RAD50: variants seen among roughly 807,000 people sequenced by gnomAD.
RAD50 encodes the protein DNA repair protein RAD50.
In RAD50, 132 loss-of-function variants were observed where a neutral mutation model predicts 168.8. The observed-to-expected ratio is 0.78, with a 90% CI of 0.68 to 0.90. The LOEUF (loss-of-function observed/expected upper bound fraction) is 0.90. RAD50 is among the 40% of genes least tolerant of loss of function. The pLI is 0.00. For synonymous variants in RAD50, 525 were observed against 497.4 expected (o/e 1.06, Z -0.74); for missense variants, 1,347 against 1,534.4 (o/e 0.88, Z 2.04).
intron 21 of RAD50, among the ~76,000 whole-genome samples, chr5:132,631,767 A>G (rs1038229032): frequency 1.3e-4 from 20 of 152,090 alleles, no homozygotes; most frequent in African/African-American, 4.8e-4. Context: ...GTGCAGTGCT[A>G]TGATCACAGC....
At chr5:132,564,766 A>G (rs554196135) in intron 2 of RAD50, among the ~76,000 whole-genome samples, 3 of 152,300 alleles carry the variant, frequency 2.0e-5, no homozygotes, top group South Asian at 2.1e-4. Flanking sequence ...AGCCCCTCCC[A>G]TTACAGGACA....
At chr5:132,631,854 A>G (rs1751480943) in intron 21 of RAD50, among the ~76,000 whole-genome samples, 1 of 152,108 alleles carries the variant, frequency 6.6e-6, no homozygotes, top group African/African-American at 2.4e-5. Flanking sequence ...TGCAGGTGTG[A>G]GCCACCGCAC....
intron 10 of RAD50, 21 bp downstream of exon 10, chr5:132,591,427 C>T: frequency 1.9e-6 from 3 of 1,599,444 alleles, no homozygotes; most frequent in Non-Finnish European, 2.6e-6. Context: ...TCTTTTTGTT[C>T]TAATTATACT....
At chr5:132,637,348 C>A in intron 22 of RAD50, 148 bp downstream of exon 22, 1 of 1,427,052 alleles carries the variant, frequency 7.0e-7, no homozygotes, top group Non-Finnish European at 9.4e-7. Flanking sequence ...ATCTTGGCAA[C>A]ATCTTGTAGC....
At position 132,628,338 on chromosome 5, in the gene RAD50, T is replaced by C. The variant is rs189445447; in HGVS notation, c.3390-8777T>C. Among the ~76,000 whole-genome samples, 10 of 152,272 alleles carry C rather than the reference T, an allele frequency of 6.6e-5. No homozygotes were observed. The East Asian group carries it at 9.6e-4, about 15-fold the overall frequency. ...AATCCAGTAAATAAGCAGCTGGTGA[T>C]GTGGGAAAAGATTTTAAAAGATGTG... On this transcript the variant is annotated intron_variant, in intron 21 of 24. Transcript: ENST00000378823.
rs2522390 is a variant in RAD50, at chr5:132,595,074, A to C, written c.1969+30A>C. On this transcript the variant is annotated intron_variant, in intron 12 of 24. Transcript: ENST00000378823. ...GTTGTCTACTTTATATTATCAGGAT[A>C]CTTTGACACCTTTGAATTTTCATTC... 5.2e-3 allele frequency: 8,208 copies of C among 1,579,114 alleles called. 396 individuals are homozygous for C. The African/African-American group carries it at 0.098, about 19-fold the overall frequency.
chr5:132,611,502 G>A (rs1164682525), intron 19 of RAD50, among the ~76,000 whole-genome samples: 3 of 151,766 alleles, frequency 2.0e-5, no homozygotes, highest in Non-Finnish European at 4.4e-5. Flanking sequence ...TCAGGAGATC[G>A]AGACCATCCT....
At chr5:132,580,569 A>G (rs942107952) in intron 5 of RAD50, among the ~76,000 whole-genome samples, 1 of 152,362 alleles carries the variant, frequency 6.6e-6, no homozygotes, top group South Asian at 2.1e-4. Flanking sequence ...GAGAATTTTT[A>G]AAATTTGCAG....
chr5:132,642,480 T>TGTGTC lies in RAD50; in HGVS notation c.*117_*121dup, dbSNP rs1751751581. On this transcript the variant is annotated 3_prime_UTR_variant, in exon 25 of 25. Coordinates refer to ENST00000378823, the MANE Select transcript of RAD50 (RefSeq NM_005732.4). ...AAAATATATTCTTTCAAAGGAACATTGTGTCTAGGATTTTGGATGTTGAGA... is the reference window on the plus strand; with the variant it reads ...AAAATATATTCTTTCAAAGGAACATTGTGTCGTGTCTAGGATTTTGGATGTTGAGA... 8 of 1,026,702 alleles carry TGTGTC rather than the reference T, an allele frequency of 7.8e-6. 1 individual carries two copies. The highest frequency in any genetic ancestry group is 6.3e-4 in the Middle Eastern group (2 of 3,198). 63.6% of individuals were successfully genotyped at this position (1,026,702 alleles called of 1,614,324 possible).
Position 132,642,386 on chromosome 5 carries a change from C to CATAGAA in RAD50, c.*25_*30dup. The CATAGAA allele has an allele frequency of 6.3e-7, 1 of 1,599,338 alleles. No homozygotes were observed. Among genetic ancestry groups the CATAGAA allele is most frequent in the African/African-American group, 1.3e-5 (1 of 74,676 alleles). On this transcript the variant is annotated 3_prime_UTR_variant, in exon 25 of 25. Coordinates refer to ENST00000378823, the MANE Select transcript of RAD50 (RefSeq NM_005732.4). ...TTAAAAATATCCAAGATTTAAATGC[C>CATAGAA]ATAGAAATGTAGGTCCTCAGAAAGT...
intron 5 of RAD50, among the ~76,000 whole-genome samples, chr5:132,583,992 C>G (rs756496284): frequency 6.6e-6 from 1 of 151,976 alleles, no homozygotes; most frequent in Non-Finnish European, 1.5e-5. Flanking sequence ...CCACTGTGCC[C>G]GGCAATTCAT....
At chr5:132,584,090 AGTT>A (rs1750553028) in intron 5 of RAD50, among the ~76,000 whole-genome samples, 1 of 152,056 alleles carries the variant, frequency 6.6e-6, no homozygotes, top group Non-Finnish European at 1.5e-5. Context: ...ATGGACATTA[AGTT>A]GTTTTTGGTT....
chr5:132,636,794 A>C (rs1751589827), intron 21 of RAD50, among the ~76,000 whole-genome samples: 1 of 152,122 alleles, frequency 6.6e-6, no homozygotes, highest in Non-Finnish European at 1.5e-5. Flanking sequence ...AAGTCTAAAA[A>C]ATTATGTTTC....
chr5:132,602,370 T>A (rs1425196169), intron 13 of RAD50, among the ~76,000 whole-genome samples: 1 of 150,002 alleles, frequency 6.7e-6, no homozygotes, highest in African/African-American at 2.5e-5. Context: ...CTGAAGTAAA[T>A]TTTTTTTAAA....
chr5:132,645,347 T>G lies in RAD50; in HGVS notation c.*2983T>G, dbSNP rs1240265867. On this transcript the variant is annotated 3_prime_UTR_variant, in exon 25 of 25. Coordinates refer to ENST00000378823, the MANE Select transcript of RAD50 (RefSeq NM_005732.4). ...ACCCTCCACTGCATTGTACTCAAAC[T>G]GTCCCGACAATCCCCAGCCCTACTG... 1 of 152,400 alleles carries G rather than the reference T, an allele frequency of 6.6e-6. No individual in the cohort carries two copies. The highest frequency in any genetic ancestry group is 1.5e-5 in the Non-Finnish European group (1 of 68,128). 9.4% of individuals were successfully genotyped at this position (152,400 alleles called of 1,614,324 possible).
intron 2 of RAD50, among the ~76,000 whole-genome samples, chr5:132,560,196 C>T (rs769124255): frequency 6.6e-6 from 1 of 152,072 alleles, no homozygotes; most frequent in Non-Finnish European, 1.5e-5. Context: ...CTTATAAAAC[C>T]ATGTCTACGT....
chr5:132,632,770 T>G (rs972427784), intron 21 of RAD50, among the ~76,000 whole-genome samples: 1 of 152,236 alleles, frequency 6.6e-6, no homozygotes, highest in Non-Finnish European at 1.5e-5. Flanking sequence ...CTAAAAACAC[T>G]TAGAAAATTT....
At chr5:132,570,701 A>G (rs947904608) in intron 2 of RAD50, among the ~76,000 whole-genome samples, 31 of 152,202 alleles carry the variant, frequency 2.0e-4, no homozygotes, top group African/African-American at 7.0e-4. Flanking sequence ...TATCCCAACT[A>G]CTAAAACTTT....
intron 20 of RAD50, among the ~76,000 whole-genome samples, chr5:132,617,618 T>G (rs76021950): frequency 0.028 from 4,279 of 152,140 alleles, 209 homozygotes; most frequent in African/African-American, 0.098. Context: ...TAATAAGTAT[T>G]ACTGCAGAAA....
Sources: gnomAD v4.1 joint callset for allele counts (sites outside exome capture counted in the v4.1 genomes callset) on GRCh38, gnomAD v4.1.1 for gene constraint, MANE v1.5 for transcripts, NCBI Gene and HGNC (gene_info 2026-07-23, HGNC 2026-07-21) for gene names.